Variants in ERCC2 observed in about 807,000 individuals in gnomAD.
ERCC2 encodes the protein ERCC excision repair 2, TFIIH core complex helicase subunit.
A neutral mutation model predicts 99.4 loss-of-function variants in ERCC2; 90 were observed. The ratio of observed to expected loss-of-function variants is 0.91; its 90% CI spans 0.76 to 1.08. The LOEUF is 1.08. Ranked by LOEUF, ERCC2 falls within the 50% of genes least tolerant of loss-of-function variation. The pLI is 0.00. For missense variants in ERCC2, 993 were observed against 1,038.1 expected (o/e 0.96, Z 0.60); for synonymous variants, 497 against 432.4 (o/e 1.15, Z -1.85).
At position 45,352,666 on chromosome 19, in the gene ERCC2, T is replaced by C; in HGVS notation, c.1903-17A>G. ...CAGCCGCGCCTGCAGATACGGAGGA[T>C]GAGAAGCTGGGGAGGTGGGGGAGCC... On this transcript the variant is annotated splice_polypyrimidine_tract_variant and intron_variant, in intron 20 of 22. Coordinates refer to ENST00000391945, the MANE Select transcript of ERCC2 (RefSeq NM_000400.4). 2 of 1,613,936 alleles carry C rather than the reference T, an allele frequency of 1.2e-6. No homozygotes were observed. The highest frequency in any genetic ancestry group is 1.7e-6 in the Non-Finnish European group (2 of 1,179,998).
At chr19:45,365,354 C>T (rs1051736534) in intron 5 of ERCC2, among the ~76,000 whole-genome samples, 196 bp from the exon 6 acceptor site, 25 of 152,196 alleles carry the variant, frequency 1.6e-4, no homozygotes, top group African/African-American at 5.5e-4. Flanking sequence ...CGGTGGCTCA[C>T]GCCTGTAATC....
At chr19:45,367,900 CTTTT>C (rs762407391) in intron 5 of ERCC2, among the ~76,000 whole-genome samples, 7 of 134,302 alleles carry the variant, frequency 5.2e-5, no homozygotes, top group African/African-American at 1.9e-4. Context: ...ATGACAATTT[CTTTT>C]TTTTTTTTTT....
At chr19:45,363,506 T>G (rs1972298600) in intron 11 of ERCC2, among the ~76,000 whole-genome samples, 2 of 152,030 alleles carry the variant, frequency 1.3e-5, no homozygotes, top group Non-Finnish European at 2.9e-5. Flanking sequence ...GTGGGGGAGA[T>G]TCTCCAATCC....
chr19:45,367,345 C>G (rs891799175), intron 5 of ERCC2, among the ~76,000 whole-genome samples: 1 of 131,040 alleles, frequency 7.6e-6, no homozygotes, highest in East Asian at 2.2e-4. Flanking sequence ...AAAAACAAAA[C>G]AAAACAAAAA....
chr19:45,364,070 C>T lies in ERCC2; in HGVS notation c.865G>A (p.Val289Met), dbSNP rs1228731328. The T allele has an allele frequency of 6.3e-7, 1 of 1,588,550 alleles. No homozygotes were observed. The highest frequency in any genetic ancestry group is 8.6e-7 in the Non-Finnish European group (1 of 1,168,274). ...GCGCTGGCCTCCCGCAGCCCCTCCA[C>T]CAGACGCCGGTACTCGTCCCGCAGG... ...QRLRDEYRRL[V>M]EGLREASAAR... is the part of the protein sequence containing the mutation. The change falls in exon 10 of 23, where the codon GTG becomes ATG. Residue 289 changes from valine to methionine, a missense_variant. By Grantham distance (21) the Val-to-Met change is conservative. Transcript: ENST00000391945.
chr19:45,367,364 T>TACACAC (rs1277272381), intron 5 of ERCC2, among the ~76,000 whole-genome samples: 1 of 102,164 alleles, frequency 9.8e-6, no homozygotes, highest in African/African-American at 2.7e-5. Flanking sequence ...AATATATATA[T>TACACAC]ATATACACAC....
chr19:45,366,381 A>G (rs1357444030), intron 5 of ERCC2, among the ~76,000 whole-genome samples: 4 of 152,074 alleles, frequency 2.6e-5, no homozygotes, highest in Non-Finnish European at 4.4e-5. Context: ...ATCTCAGGTG[A>G]TCCACCCGCC....
chr19:45,370,031 G>A, intron 2 of ERCC2, 102 bp downstream of exon 2: 9 of 1,058,142 alleles, frequency 8.5e-6, no homozygotes, highest in South Asian at 1.3e-5. Context: ...GATTCCCAGG[G>A]ACCTCGGACT....
intron 12 of ERCC2, among the ~76,000 whole-genome samples, chr19:45,360,765 T>C (rs946857333): frequency 6.6e-6 from 1 of 151,968 alleles, no homozygotes; most frequent in Non-Finnish European, 1.5e-5. Context: ...GTCATCTGCC[T>C]GCCTAACCAT....
Position 45,351,430 on chromosome 19 carries a change from G to A in ERCC2, c.*199C>T, listed in dbSNP as rs2123214800. 2 of 1,590,194 alleles carry A rather than the reference G, an allele frequency of 1.3e-6. No homozygotes were observed. The highest frequency in any genetic ancestry group is 8.5e-7 in the Non-Finnish European group (1 of 1,171,388). Reference sequence around the variant, plus strand: ...GGGATGGGCTGGTGGGGTGAGAGGGGGTCTATCATCTCCTGGCCCCCCCTT... The same window carrying A: ...GGGATGGGCTGGTGGGGTGAGAGGGAGTCTATCATCTCCTGGCCCCCCCTT... On this transcript the variant is annotated 3_prime_UTR_variant, in exon 23 of 23. Coordinates refer to ENST00000391945, the MANE Select transcript of ERCC2 (RefSeq NM_000400.4).
chr19:45,365,274 G>A (rs1408670517), intron 5 of ERCC2, 116 bp from the exon 6 acceptor site: 1 of 780,896 alleles, frequency 1.3e-6, no homozygotes, highest in Non-Finnish European at 2.3e-6. Flanking sequence ...ACCTCAGTCT[G>A]TTGCATTATT....
rs1303852217 is a variant in ERCC2, at chr19:45,369,091, G to A, written c.162C>T (p.Ala54=). Residue 54 remains alanine, a synonymous_variant, in exon 3 of 23, where the codon GCC becomes GCT. Transcript: ENST00000391945. ...TCACTCTCTGGTATGCCATGATCAG[G>A]GCCAACAGGGATACTGTCTTCCCGG... ...SGTGKTVSLL[A]LIMAYQRAYP... 3 of 1,614,098 alleles carry A rather than the reference G, an allele frequency of 1.9e-6. No homozygotes were observed. Among genetic ancestry groups the A allele is most frequent in the East Asian group, 2.2e-5 (1 of 44,882 alleles).
Position 45,363,780 on chromosome 19 carries a change from G to A in ERCC2, c.1081C>T (p.Leu361=), listed in dbSNP as rs755653085. The part of the protein sequence containing the change: ...QESPPAFLSG[L]AQRVCIQRKP... Reference sequence around the variant, plus strand: ...CGCTGGATGCACACGCGCTGGGCCAGGCCGCTCAGGAAGGCGGGCGGGCTC... The same window carrying A: ...CGCTGGATGCACACGCGCTGGGCCAAGCCGCTCAGGAAGGCGGGCGGGCTC... The change falls in exon 11 of 23, where the codon CTG becomes TTG. Residue 361 remains leucine, a synonymous_variant. Transcript: ENST00000391945. 1.3e-6 allele frequency: 2 copies of A among 1,538,218 alleles called. No individual in the cohort carries two copies. The highest frequency in any genetic ancestry group is 1.7e-6 in the Non-Finnish European group (2 of 1,148,436).
At position 45,370,135 on chromosome 19, in the gene ERCC2, T is replaced by C. The variant is rs1041573793; in HGVS notation, c.103A>G (p.Lys35Glu). The change falls in exon 2 of 23, where the codon AAG (lysine) becomes GAG (glutamate). Residue 35 changes from lysine to glutamate, a missense_variant and splice_region_variant. Physicochemically the swap from Lys to Glu is moderately conservative, Grantham distance 56 (BLOSUM62 1). Around this residue, in one of 3 missense-constraint regions of ERCC2, gnomAD observed 55 missense variants for 45.1 expected, o/e 1.22. Transcript: ENST00000391945. Reference sequence around the variant, plus strand: ...GGTCGGGCCCACCGGCCACCCACCTTGGCGTCCAGCGTGCGTTTGAGCTCC... The same window carrying C: ...GGTCGGGCCCACCGGCCACCCACCTCGGCGTCCAGCGTGCGTTTGAGCTCC... Reference protein sequence around the residue: ...MRELKRTLDAKGHGVLEMPSG... With the variant: ...MRELKRTLDAEGHGVLEMPSG... 2 of 1,612,808 alleles carry C rather than the reference T, an allele frequency of 1.2e-6. No homozygotes were observed. Among genetic ancestry groups the C allele is most frequent in the South Asian group, 1.1e-5 (1 of 91,070 alleles).
At chr19:45,354,970 C>G (rs1039448476) in intron 16 of ERCC2, 119 bp from the exon 17 acceptor site, 2 of 1,289,926 alleles carry the variant, frequency 1.6e-6, no homozygotes, top group Middle Eastern at 1.9e-4. Context: ...TCACACATAT[C>G]CCCCTCCTCC....
At chr19:45,362,455 C>T (rs1972257832) in intron 11 of ERCC2, among the ~76,000 whole-genome samples, 3 of 152,228 alleles carry the variant, frequency 2.0e-5, no homozygotes, top group South Asian at 2.1e-4. Context: ...CACACACTCA[C>T]GCATGTGCAG....
chr19:45,352,097 T>G (rs1971818532), intron 22 of ERCC2, 112 bp downstream of exon 22: 1 of 1,258,986 alleles, frequency 7.9e-7, no homozygotes, highest in Non-Finnish European at 1.1e-6. Context: ...TTCTCTTTGC[T>G]GAGGGCAGGA....
At chr19:45,355,786 G>A (rs1971991847) in intron 15 of ERCC2, 58 bp from the exon 16 acceptor site, 3 of 1,309,430 alleles carry the variant, frequency 2.3e-6, no homozygotes. Flanking sequence ...CAGCGTGAGT[G>A]CTGACCACCT....
chr19:45,364,595 C>T (rs1568542734), intron 7 of ERCC2, 48 bp from the exon 8 acceptor site: 4 of 1,605,948 alleles, frequency 2.5e-6, no homozygotes, highest in Non-Finnish European at 3.4e-6. Flanking sequence ...ACCCCAACCC[C>T]TACCCCTACC....
Sources: gnomAD v4.1 joint callset for allele counts (sites outside exome capture counted in the v4.1 genomes callset) on GRCh38, gnomAD v4.1.1 for gene constraint, gnomAD v4.1.1 regional missense constraint, MANE v1.5 for transcripts, NCBI Gene and HGNC (gene_info 2026-07-23, HGNC 2026-07-21) for gene names.